SUMF1: variants seen among roughly 807,000 people sequenced by gnomAD.
The protein encoded by SUMF1 is formylglycine-generating enzyme.
Under a neutral mutation model 47.6 loss-of-function variants are expected in SUMF1, and 48 were observed. That is an observed-to-expected ratio of 1.01 (90% CI 0.80 to 1.28). The LOEUF (loss-of-function observed/expected upper bound fraction) is 1.28, where lower values mean the gene tolerates loss of function less well. Among genes scored for constraint, SUMF1 ranks in the 50% most tolerant of loss-of-function variants. The pLI, the probability that SUMF1 is intolerant of heterozygous loss-of-function variation, is 0.00. For missense variants in SUMF1, 571 were observed against 485.4 expected, an observed-to-expected ratio of 1.18 and a Z score of -1.66; for synonymous variants, 230 against 192.1, an observed-to-expected ratio of 1.20 and a Z score of -1.63.
At position 4,262,909 on chromosome 3, in the gene SUMF1, G is replaced by A. The variant is rs75318438; in HGVS notation, c.1014+113421C>T. Among the ~76,000 whole-genome samples the A allele has an allele frequency of 2.0e-5, 3 of 152,180 alleles. No individual in the cohort carries two copies. The East Asian group carries it at 5.8e-4, about 29-fold the overall frequency. ...TAAAGAAGAAAAGGAAATTAATGCTGGGCTGGCAGAAACAACCAAAGCACA... is the reference window on the plus strand; with the variant it reads ...TAAAGAAGAAAAGGAAATTAATGCTAGGCTGGCAGAAACAACCAAAGCACA... On this transcript the variant is annotated intron_variant and NMD_transcript_variant, in intron 8 of 12. Transcript: ENST00000448413.
At chr3:4,198,358 G>A (rs1011838651) in intron 8 of SUMF1, among the ~76,000 whole-genome samples, 1 of 152,088 alleles carries the variant, frequency 6.6e-6, no homozygotes. Flanking sequence ...CATTCTGAAG[G>A]AAGTTATCTC....
chr3:4,295,481 G>A (rs542281510), intron 8 of SUMF1, among the ~76,000 whole-genome samples: 12 of 152,038 alleles, frequency 7.9e-5, no homozygotes, highest in Admixed American at 3.3e-4. Context: ...GGAAGATCTA[G>A]TACTCTAGAA....
At chr3:4,346,539 G>T (rs1699377679) in intron 8 of SUMF1, among the ~76,000 whole-genome samples, 2 of 152,108 alleles carry the variant, frequency 1.3e-5, no homozygotes, top group South Asian at 4.2e-4. Context: ...GAGTTAAGAG[G>T]GAAATTTATA....
At chr3:4,206,235 G>T (rs1052788314) in intron 8 of SUMF1, among the ~76,000 whole-genome samples, 1 of 151,750 alleles carries the variant, frequency 6.6e-6, no homozygotes, top group Non-Finnish European at 1.5e-5. Flanking sequence ...GGGGAAGGGT[G>T]ACACAAACAC....
intron 3 of SUMF1, among the ~76,000 whole-genome samples, chr3:4,444,264 C>T (rs565430123): frequency 3.3e-4 from 50 of 152,202 alleles, no homozygotes; most frequent in African/African-American, 1.1e-3. Flanking sequence ...CTGTTATCAA[C>T]GGGCAAAAAC....
intron 8 of SUMF1, among the ~76,000 whole-genome samples, chr3:4,276,581 C>A (rs1431241556): frequency 6.6e-6 from 1 of 152,098 alleles, no homozygotes; most frequent in Non-Finnish European, 1.5e-5. Flanking sequence ...TTATAAAATG[C>A]ACATGATTTA....
intron 8 of SUMF1, among the ~76,000 whole-genome samples, chr3:4,368,355 G>A (rs1700050817): frequency 6.6e-6 from 1 of 152,240 alleles, no homozygotes. Flanking sequence ...TGGAGAGGAT[G>A]TGGAGAAATA....
intron 8 of SUMF1, among the ~76,000 whole-genome samples, chr3:4,237,442 G>C (rs1486129513): frequency 2.6e-5 from 4 of 151,978 alleles, no homozygotes; most frequent in Admixed American, 2.6e-4. Context: ...TTATGTGTGT[G>C]TGTTCAGATC....
intron 7 of SUMF1, among the ~76,000 whole-genome samples, chr3:4,388,979 G>A (rs1700763292): frequency 6.6e-6 from 1 of 152,020 alleles, no homozygotes; most frequent in African/African-American, 2.4e-5. Flanking sequence ...TGTTTCAACT[G>A]TCAAATAAAA....
chr3:4,195,982 C>T (rs187846158), intron 8 of SUMF1, among the ~76,000 whole-genome samples: 1 of 151,852 alleles, frequency 6.6e-6, no homozygotes, highest in Non-Finnish European at 1.5e-5. Context: ...CCTTTGGATA[C>T]CAGAAATTAT....
chr3:4,121,030 A>T (rs1693528956), intron 8 of SUMF1, among the ~76,000 whole-genome samples: 1 of 152,168 alleles, frequency 6.6e-6, no homozygotes, highest in Admixed American at 6.5e-5. Context: ...AGAAGAACTT[A>T]CTTTACCGGA....
chr3:4,393,300 G>C lies in SUMF1; in HGVS notation c.955-16911C>G, dbSNP rs79207990. Among the ~76,000 whole-genome samples, 191 of 152,136 alleles carry C rather than the reference G, an allele frequency of 1.3e-3. 4 individuals carry two copies. In the East Asian group the frequency reaches 0.033, roughly 26 times the overall value. The stretch of plus-strand genomic sequence containing the variant: ...AGTCAATCTTTGGCTGTAAGGCTTT[G>C]GTTTTCGCCACCAGTCCTGAACTGA... On this transcript the variant is annotated intron_variant, in intron 7 of 8. Transcript: ENST00000272902.
intron 8 of SUMF1, among the ~76,000 whole-genome samples, chr3:4,192,141 A>T (rs927415003): frequency 5.3e-5 from 8 of 152,110 alleles, no homozygotes; most frequent in African/African-American, 1.9e-4. Flanking sequence ...CTGTCTCCTG[A>T]AAGTGGCCTG....
chr3:4,316,622 T>A (rs1302104586), intron 8 of SUMF1: 2 of 1,551,174 alleles, frequency 1.3e-6, no homozygotes, highest in African/African-American at 2.7e-5. Flanking sequence ...AAGTGTCATC[T>A]TCTCTTATTC....
intron 8 of SUMF1, among the ~76,000 whole-genome samples, chr3:4,145,192 A>G (rs1574923808): frequency 2.8e-5 from 1 of 35,494 alleles, no homozygotes; most frequent in Non-Finnish European, 7.7e-5. Context: ...AACTCCGTCT[A>G]AAAAAAAAAA....
intron 8 of SUMF1, among the ~76,000 whole-genome samples, chr3:4,199,307 T>G (rs1051290962): frequency 6.6e-6 from 1 of 152,218 alleles, no homozygotes; most frequent in Non-Finnish European, 1.5e-5. Flanking sequence ...GTTACATGTA[T>G]AAGTAGTTTG....
rs567755529 is a variant in SUMF1, at chr3:4,180,244, C to T, written c.1015-111499G>A. On this transcript the variant is annotated intron_variant and NMD_transcript_variant, in intron 8 of 12. Transcript: ENST00000448413. ...ATGCTGCTATAAAGACATATGCACA[C>T]GTATGTTTATTGCGGCACTATTCAC... Among the ~76,000 whole-genome samples the T allele has an allele frequency of 1.0e-3, 158 of 152,264 alleles. 2 individuals carry two copies. Among genetic ancestry groups the T allele is most frequent in the Admixed American group, 5.0e-3 (76 of 15,290 alleles).
At chr3:4,240,274 C>G (rs961292289) in intron 8 of SUMF1, among the ~76,000 whole-genome samples, 1 of 152,090 alleles carries the variant, frequency 6.6e-6, no homozygotes, top group African/African-American at 2.4e-5. Flanking sequence ...CAGGATGAAG[C>G]TAGCCTCATA....
At chr3:4,135,397 G>A (rs1265123747) in intron 8 of SUMF1, among the ~76,000 whole-genome samples, 1 of 152,088 alleles carries the variant, frequency 6.6e-6, no homozygotes, top group African/African-American at 2.4e-5. Flanking sequence ...AATAGATGCA[G>A]AAAAGGCCTT....
Sources: gnomAD v4.1 joint callset for allele counts (sites outside exome capture counted in the v4.1 genomes callset) on GRCh38, gnomAD v4.1.1 for gene constraint, MANE v1.5 for transcripts, NCBI Gene and HGNC (gene_info 2026-07-23, HGNC 2026-07-21) for gene names.